INPP4B: variants seen among roughly 807,000 people sequenced by gnomAD.
INPP4B encodes inositol polyphosphate-4-phosphatase type II B, also known as inositol polyphosphate 4-phosphatase type II.
A neutral mutation model predicts 122.5 loss-of-function variants in INPP4B; 55 were observed. The observed-to-expected ratio is 0.45, with a 90% CI of 0.36 to 0.56. INPP4B has a LOEUF of 0.56. Ranked by LOEUF, INPP4B falls within the 20% of genes least tolerant of loss-of-function variation. The probability of loss-of-function intolerance (pLI) is 0.00; values close to 1 mark genes in which losing one functional copy is unlikely to be tolerated. For synonymous variants in INPP4B, 403 were observed against 388.7 expected (o/e 1.04, Z -0.43); for missense variants, 1,000 against 1,097.7 (o/e 0.91, Z 1.26).
chr4:142,176,345 T>C (rs1828267851), intron 15 of INPP4B, among the ~76,000 whole-genome samples: 2 of 151,944 alleles, frequency 1.3e-5, no homozygotes, highest in South Asian at 4.2e-4. Context: ...ATGACTTTCT[T>C]CACAGAATTG....
chr4:142,448,441 T>A (rs1257343395), intron 3 of INPP4B, among the ~76,000 whole-genome samples: 2 of 152,188 alleles, frequency 1.3e-5, no homozygotes, highest in East Asian at 3.9e-4. Context: ...GTCACAACAT[T>A]TCTGAAGCCA....
chr4:142,582,304 C>A (rs552400127), intron 2 of INPP4B, among the ~76,000 whole-genome samples: 2 of 151,880 alleles, frequency 1.3e-5, no homozygotes, highest in Non-Finnish European at 2.9e-5. Flanking sequence ...AATTTGTATC[C>A]TACATTTATT....
chr4:142,270,924 G>A (rs1745460444), intron 9 of INPP4B, 150 bp from the exon 10 acceptor site: 2 of 620,350 alleles, frequency 3.2e-6, no homozygotes, highest in African/African-American at 1.9e-5. Context: ...ATGTTAATAG[G>A]GTAGGTGTTT....
intron 7 of INPP4B, among the ~76,000 whole-genome samples, chr4:142,332,064 T>C (rs1336074747): frequency 6.6e-6 from 1 of 151,992 alleles, no homozygotes; most frequent in East Asian, 1.9e-4. Flanking sequence ...CCAATAGAGG[T>C]TTCCTTAAGT....
chr4:142,061,938 A>G (rs28625440), intron 25 of INPP4B, among the ~76,000 whole-genome samples: 5 of 133,674 alleles, frequency 3.7e-5, no homozygotes, highest in Non-Finnish European at 7.6e-5. Context: ...ATATATATAT[A>G]TATCTGTAAC....
intron 1 of INPP4B, among the ~76,000 whole-genome samples, chr4:142,820,780 G>A (rs960279290): frequency 6.6e-6 from 1 of 152,098 alleles, no homozygotes; most frequent in Non-Finnish European, 1.5e-5. Context: ...GCAATGTATT[G>A]TAACAGTTTC....
intron 9 of INPP4B, among the ~76,000 whole-genome samples, chr4:142,282,555 A>G (rs1433386159): frequency 6.6e-6 from 1 of 152,094 alleles, no homozygotes; most frequent in Non-Finnish European, 1.5e-5. Context: ...AGAAAAATCC[A>G]CGTTATAACT....
At chr4:142,253,949 G>A (rs974390196) in intron 11 of INPP4B, among the ~76,000 whole-genome samples, 5 of 152,182 alleles carry the variant, frequency 3.3e-5, no homozygotes, top group Non-Finnish European at 7.3e-5. Context: ...AGACTTAAAT[G>A]TCCCTGTCTG....
Position 142,237,934 on chromosome 4 carries a change from A to G in INPP4B, c.766T>C (p.Ser256Pro). ...ATATGAAAGGAAAGAATGCTCTCTG[A>G]CATCTGCTCTCGAATTCGCATCCAC... ...NKWMRIREQM[S>P]ESILSFHIPK... Residue 256 changes from serine (S) to proline (P), a missense_variant, in exon 12 of 26, where the codon TCA (serine) becomes CCA (proline). Ser to Pro is a moderately conservative substitution (Grantham distance 74). Transcript: ENST00000262992. 1 of 1,577,146 alleles carries G rather than the reference A, an allele frequency of 6.3e-7. No individual in the cohort carries two copies. Among genetic ancestry groups the G allele is most frequent in the Non-Finnish European group, 8.7e-7 (1 of 1,149,090 alleles).
intron 7 of INPP4B, among the ~76,000 whole-genome samples, chr4:142,365,866 T>C (rs184100348): frequency 8.7e-4 from 133 of 152,250 alleles, no homozygotes; most frequent in Non-Finnish European, 1.6e-3. Flanking sequence ...ATCCTGATTA[T>C]ACAAATTGAT....
chr4:142,759,739 A>C (rs1771020754), intron 1 of INPP4B, among the ~76,000 whole-genome samples: 2 of 151,260 alleles, frequency 1.3e-5, no homozygotes, highest in Non-Finnish European at 2.9e-5. Context: ...ACTATGCCAC[A>C]AAGAAGTTAA....
chr4:142,209,080 G>A (rs115669450), intron 12 of INPP4B, 54 bp from the exon 13 acceptor site: 478 of 1,345,222 alleles, frequency 3.6e-4, no homozygotes, highest in Non-Finnish European at 4.7e-4. Context: ...ATCCATAAAC[G>A]CATAACCCTT....
At chr4:142,670,486 G>A (rs1188986077) in intron 2 of INPP4B, among the ~76,000 whole-genome samples, 1 of 152,104 alleles carries the variant, frequency 6.6e-6, no homozygotes, top group African/African-American at 2.4e-5. Flanking sequence ...AGGAAGTCCT[G>A]TCATTTGTGA....
chr4:142,458,742 AATACAC>A (rs1416079064), intron 3 of INPP4B, among the ~76,000 whole-genome samples: 1 of 152,188 alleles, frequency 6.6e-6, no homozygotes, highest in Non-Finnish European at 1.5e-5. Flanking sequence ...ATTTGATCTG[AATACAC>A]ATCAATAAAA....
intron 2 of INPP4B, among the ~76,000 whole-genome samples, chr4:142,720,576 C>T: frequency 6.6e-6 from 1 of 151,252 alleles, no homozygotes; most frequent in East Asian, 2.0e-4. Flanking sequence ...AGTGTAAACG[C>T]TATATAAATA....
At chr4:142,573,311 C>T (rs1733211356) in intron 2 of INPP4B, among the ~76,000 whole-genome samples, 1 of 152,116 alleles carries the variant, frequency 6.6e-6, no homozygotes, top group South Asian at 2.1e-4. Flanking sequence ...CAAGCCACAT[C>T]ACAGCACTTT....
chr4:142,312,155 A>G (rs1279947722), intron 8 of INPP4B, among the ~76,000 whole-genome samples: 1 of 152,210 alleles, frequency 6.6e-6, no homozygotes, highest in Non-Finnish European at 1.5e-5. Context: ...GACGCAATGT[A>G]ATAAATGTAC....
At chr4:142,242,128 C>A (rs980259336) in intron 11 of INPP4B, among the ~76,000 whole-genome samples, 9 of 152,106 alleles carry the variant, frequency 5.9e-5, no homozygotes, top group East Asian at 1.9e-4. Context: ...AGTCTGTAAT[C>A]CAATTAGACA....
intron 15 of INPP4B, among the ~76,000 whole-genome samples, chr4:142,180,515 T>C (rs780756542): frequency 6.6e-6 from 1 of 152,182 alleles, no homozygotes; most frequent in Non-Finnish European, 1.5e-5. Flanking sequence ...TAGCATTACG[T>C]TAAATGCTAG....
Sources: allele counts gnomAD v4.1 joint callset (sites outside exome capture counted in the v4.1 genomes callset), GRCh38; gene constraint gnomAD v4.1.1; transcripts MANE v1.5; gene names NCBI Gene and HGNC (gene_info 2026-07-23, HGNC 2026-07-21).